ACOXL: variants seen among roughly 807,000 people sequenced by gnomAD.
The protein encoded by ACOXL is acyl-coenzyme A oxidase-like protein.
A neutral mutation model predicts 71.9 loss-of-function variants in ACOXL; 70 were observed. That is an observed-to-expected ratio of 0.97 (90% confidence interval 0.80 to 1.19). The LOEUF is 1.19. Ranked by LOEUF, ACOXL falls within the 50% of genes most tolerant of loss-of-function variation. The pLI is 0.00. For missense variants in ACOXL, 703 were observed against 736.3 expected (o/e 0.95, Z 0.52); for synonymous variants, 253 against 281.6 (o/e 0.90, Z 1.02).
At chr2:111,081,668 A>G (rs565051220) in intron 16 of ACOXL, among the ~76,000 whole-genome samples, 117 of 152,326 alleles carry the variant, frequency 7.7e-4, no homozygotes, top group African/African-American at 2.7e-3. Context: ...TTAGAAAAAA[A>G]CTACTTTAAA....
chr2:110,969,812 A>T (rs1314763708), intron 12 of ACOXL, among the ~76,000 whole-genome samples: 1 of 151,682 alleles, frequency 6.6e-6, no homozygotes, highest in Non-Finnish European at 1.5e-5. Context: ...CTTTGTCTCA[A>T]AAAAAAAGAA....
intron 1 of ACOXL, among the ~76,000 whole-genome samples, chr2:110,746,605 T>G (rs2104756418): frequency 6.6e-6 from 1 of 152,256 alleles, no homozygotes; most frequent in South Asian, 2.1e-4. Context: ...GATTTGTTGT[T>G]GAAGACGATG....
intron 10 of ACOXL, among the ~76,000 whole-genome samples, chr2:110,898,715 G>A (rs955299348): frequency 6.6e-6 from 1 of 152,176 alleles, no homozygotes; most frequent in Non-Finnish European, 1.5e-5. Context: ...CTGCTATTCA[G>A]TGTAGTGCTG....
intron 10 of ACOXL, among the ~76,000 whole-genome samples, chr2:110,899,833 A>C (rs2059155926): frequency 6.6e-6 from 1 of 152,064 alleles, no homozygotes; most frequent in Admixed American, 6.6e-5. Flanking sequence ...AAAGTAAATT[A>C]ATTTCCCTTG....
At chr2:110,736,951 G>A (rs781760795) in intron 1 of ACOXL, among the ~76,000 whole-genome samples, 3 of 152,122 alleles carry the variant, frequency 2.0e-5, no homozygotes, top group Non-Finnish European at 4.4e-5. Flanking sequence ...TCTGTTGATA[G>A]ACATTTGGCC....
intron 2 of ACOXL, among the ~76,000 whole-genome samples, chr2:110,773,489 C>T (rs1682235532): frequency 6.6e-6 from 1 of 152,204 alleles, no homozygotes; most frequent in African/African-American, 2.4e-5. Flanking sequence ...ACCCAGGCCC[C>T]ACCCTGTTGC....
chr2:110,860,476 G>T (rs1693809315), intron 10 of ACOXL, among the ~76,000 whole-genome samples: 3 of 152,166 alleles, frequency 2.0e-5, no homozygotes, highest in Admixed American at 2.0e-4. Context: ...CACCGCAGCT[G>T]CAGTAAGAGG....
At chr2:111,103,617 C>A (rs899598901) in intron 17 of ACOXL, among the ~76,000 whole-genome samples, 1 of 152,174 alleles carries the variant, frequency 6.6e-6, no homozygotes, top group African/African-American at 2.4e-5. Context: ...ATAACGGTTC[C>A]ATGAGTGAGT....
chr2:111,009,713 A>C (rs948086765), intron 14 of ACOXL, among the ~76,000 whole-genome samples: 2 of 152,124 alleles, frequency 1.3e-5, no homozygotes, highest in African/African-American at 4.8e-5. Flanking sequence ...AAGGGGTTTT[A>C]AAGTTGGAAG....
chr2:110,826,128 T>C (rs1214875954), intron 9 of ACOXL, among the ~76,000 whole-genome samples: 2 of 152,180 alleles, frequency 1.3e-5, no homozygotes, highest in African/African-American at 4.8e-5. Context: ...AAAGGCCACT[T>C]TGGATAAAAA....
chr2:111,089,643 T>C (rs1446787742), intron 16 of ACOXL, among the ~76,000 whole-genome samples: 2 of 152,202 alleles, frequency 1.3e-5, no homozygotes, highest in African/African-American at 4.8e-5. Flanking sequence ...TATGTATGTA[T>C]GGGTTAGTTG....
chr2:110,888,531 A>G (rs966154804), intron 10 of ACOXL, among the ~76,000 whole-genome samples: 1 of 152,116 alleles, frequency 6.6e-6, no homozygotes, highest in African/African-American at 2.4e-5. Context: ...CTCCCTTCCT[A>G]TATCCCAAGA....
chr2:111,040,410 G>A (rs1289966286), intron 15 of ACOXL, among the ~76,000 whole-genome samples: 1 of 152,226 alleles, frequency 6.6e-6, no homozygotes, highest in East Asian at 1.9e-4. Flanking sequence ...GTTATCCTTC[G>A]GAAACAATCC....
intron 9 of ACOXL, among the ~76,000 whole-genome samples, chr2:110,839,298 C>T (rs565759696): frequency 6.6e-6 from 1 of 152,326 alleles, no homozygotes; most frequent in South Asian, 2.1e-4. Context: ...TAAGCCAGAA[C>T]GTTTTAATCC....
intron 17 of ACOXL, among the ~76,000 whole-genome samples, chr2:111,108,356 T>C (rs1353337144): frequency 1.3e-5 from 2 of 149,366 alleles, no homozygotes; most frequent in African/African-American, 4.9e-5. Flanking sequence ...TTTATATACA[T>C]TGAAGTGCAT....
intron 9 of ACOXL, among the ~76,000 whole-genome samples, chr2:110,834,218 C>G (rs1467433759): frequency 6.6e-6 from 1 of 152,142 alleles, no homozygotes; most frequent in Non-Finnish European, 1.5e-5. Flanking sequence ...ATAAGAATCA[C>G]TTAAGTGATT....
At chr2:110,762,872 G>A (rs1223711398) in intron 1 of ACOXL, among the ~76,000 whole-genome samples, 1 of 152,112 alleles carries the variant, frequency 6.6e-6, no homozygotes, top group East Asian at 1.9e-4. Flanking sequence ...GCCCAGGCTG[G>A]TCTCAAGCTC....
At chr2:111,000,137 G>T (rs2063556025) in intron 14 of ACOXL, among the ~76,000 whole-genome samples, 1 of 152,176 alleles carries the variant, frequency 6.6e-6, no homozygotes, top group Non-Finnish European at 1.5e-5. Context: ...ATTATTACCA[G>T]AAACCTTTAT....
intron 11 of ACOXL, among the ~76,000 whole-genome samples, chr2:110,914,600 A>G (rs1187456855): frequency 1.3e-5 from 2 of 152,242 alleles, no homozygotes; most frequent in East Asian, 1.9e-4. Flanking sequence ...TGCACAATAA[A>G]TCAAATGTGA....
Sources: allele counts gnomAD v4.1 joint callset (sites outside exome capture counted in the v4.1 genomes callset), GRCh38; gene constraint gnomAD v4.1.1; transcripts MANE v1.5; gene names NCBI Gene and HGNC (gene_info 2026-07-23, HGNC 2026-07-21).